Variants in STIM1 observed in about 807,000 individuals in gnomAD.
STIM1 encodes the protein stromal interaction molecule 1.
STIM1 carries 25 observed loss-of-function variants against 74.7 expected under a neutral mutation model. The ratio of observed to expected loss-of-function variants is 0.33; its 90% CI spans 0.24 to 0.47. The LOEUF (loss-of-function observed/expected upper bound fraction) is 0.47. Among genes scored for constraint, STIM1 ranks in the 20% least tolerant of loss-of-function variants. The pLI is 1.00. For missense variants in STIM1, 728 were observed against 920.8 expected, an observed-to-expected ratio of 0.79 and a Z score of 2.71; for synonymous variants, 328 against 348.8, an observed-to-expected ratio of 0.94 and a Z score of 0.66.
rs578129294 is a variant in STIM1 at position 4,020,242 on chromosome 11, T to C, written c.271-3631T>C. Among the ~76,000 whole-genome samples, 8 of 152,358 alleles carry C rather than the reference T, an allele frequency of 5.3e-5. No homozygotes were observed. In the East Asian group the frequency reaches 1.5e-3, roughly 29 times the overall value. On this transcript the variant is annotated intron_variant, in intron 2 of 12. Coordinates refer to ENST00000526596, the MANE Select transcript of STIM1 (RefSeq NM_001382567.1). ...GATTCTATATCTTGGCTATTGTGAA[T>C]AGTGCTGCAATAAACATGGAAGTGA...
chr11:3,929,742 C>T (rs1273285722), intron 1 of STIM1, among the ~76,000 whole-genome samples: 1 of 152,146 alleles, frequency 6.6e-6, no homozygotes. Context: ...TTGCTTTACT[C>T]CTGCATTTTT....
At chr11:4,044,398 G>GA (rs34242773) in intron 3 of STIM1, among the ~76,000 whole-genome samples, 124,097 of 152,118 alleles carry the variant, frequency 0.82, 52,403 homozygotes, top group East Asian at 0.95. Context: ...TCTTTGGAAT[G>GA]GAAAACAGAA....
chr11:3,969,287 CT>C (rs2093368797), intron 2 of STIM1, among the ~76,000 whole-genome samples: 2 of 151,848 alleles, frequency 1.3e-5, no homozygotes, highest in South Asian at 4.2e-4. Flanking sequence ...GAATTTGAGA[CT>C]AGCCTGGACA....
chr11:3,965,933 G>C (rs2093336422), intron 1 of STIM1, among the ~76,000 whole-genome samples: 2 of 152,198 alleles, frequency 1.3e-5, no homozygotes, highest in African/African-American at 4.8e-5. Context: ...CTTGAGCCCA[G>C]GGAACGAAGG....
chr11:3,909,097 T>A (rs549298910), intron 1 of STIM1, among the ~76,000 whole-genome samples: 1 of 152,158 alleles, frequency 6.6e-6, no homozygotes, highest in African/African-American at 2.4e-5. Flanking sequence ...CTTTCCTGAG[T>A]TGAGTGCCAG....
At chr11:4,045,493 A>C (rs979269878) in intron 3 of STIM1, among the ~76,000 whole-genome samples, 1 of 151,164 alleles carries the variant, frequency 6.6e-6, no homozygotes, top group South Asian at 2.1e-4. Flanking sequence ...TCTGTCACCC[A>C]GGCTGGAGTA....
intron 1 of STIM1, among the ~76,000 whole-genome samples, chr11:3,949,948 T>G (rs563650803): frequency 1.3e-5 from 2 of 152,334 alleles, no homozygotes; most frequent in East Asian, 3.9e-4. Context: ...CCGTCTCCTT[T>G]CAACCCCATT....
intron 1 of STIM1, among the ~76,000 whole-genome samples, chr11:3,912,088 T>C (rs2092570538): frequency 6.6e-6 from 1 of 151,716 alleles, no homozygotes; most frequent in Non-Finnish European, 1.5e-5. Flanking sequence ...TCCATAACTG[T>C]CCTTCCATTC....
At chr11:4,081,499 T>C (rs1443320244) in intron 7 of STIM1, among the ~76,000 whole-genome samples, 3 of 152,256 alleles carry the variant, frequency 2.0e-5, no homozygotes, top group Admixed American at 1.3e-4. Context: ...GAGAGAATCA[T>C]AGACGCAGTC....
intron 1 of STIM1, among the ~76,000 whole-genome samples, chr11:3,886,746 G>A (rs1055517178): frequency 9.5e-5 from 14 of 146,982 alleles, no homozygotes; most frequent in African/African-American, 3.0e-4. Flanking sequence ...GCTCATGCCT[G>A]TAATTCCAGC....
intron 2 of STIM1, among the ~76,000 whole-genome samples, chr11:3,993,555 C>G (rs2093634377): frequency 6.6e-6 from 1 of 152,162 alleles, no homozygotes. Flanking sequence ...ACTCGAGAGG[C>G]TCAGGCAGGA....
chr11:4,073,596 C>T (rs1011616240), intron 6 of STIM1, among the ~76,000 whole-genome samples: 2 of 152,084 alleles, frequency 1.3e-5, no homozygotes, highest in Non-Finnish European at 2.9e-5. Context: ...TGAAAGAACT[C>T]GGTGAATGAA....
chr11:3,970,037 A>G (rs2093376378), intron 2 of STIM1, among the ~76,000 whole-genome samples: 1 of 151,742 alleles, frequency 6.6e-6, no homozygotes, highest in African/African-American at 2.4e-5. Flanking sequence ...CCCAAGATCT[A>G]TAAATTCTTG....
In STIM1 at chr11:3,865,630, C is replaced by T. The variant is rs568323342; in HGVS notation, c.139+9221C>T. Among the ~76,000 whole-genome samples the T allele has an allele frequency of 6.6e-5, 10 of 152,266 alleles. 1 individual carries two copies. The highest frequency in any genetic ancestry group is 2.4e-4 in the African/African-American group (10 of 41,538). On this transcript the variant is annotated intron_variant, in intron 1 of 12. Coordinates refer to ENST00000526596, the MANE Select transcript of STIM1 (RefSeq NM_001382567.1). ...TACCACTCTCTTGACAATATCTGTT[C>T]AGAGCAATGAGGAATCTGTTTGCTG...
chr11:3,982,516 T>C (rs16929529), intron 2 of STIM1, among the ~76,000 whole-genome samples: 8,181 of 152,294 alleles, frequency 0.054, 366 homozygotes, highest in East Asian at 0.18. Flanking sequence ...TATGATGTAC[T>C]AGGCTTGTGC....
At position 3,998,669 on chromosome 11, in the gene STIM1, A is replaced by G. The variant is rs1035170232; in HGVS notation, c.271-25204A>G. On this transcript the variant is annotated intron_variant, in intron 2 of 12. Coordinates refer to ENST00000526596, the MANE Select transcript of STIM1 (RefSeq NM_001382567.1). Reference sequence around the variant, plus strand: ...CTCTATTTTTGAGTTGCTTAGGGAGAGTAAGAGGGGGATAATGTATACCCT... The same window carrying G: ...CTCTATTTTTGAGTTGCTTAGGGAGGGTAAGAGGGGGATAATGTATACCCT... Among the ~76,000 whole-genome samples, 15 of 152,172 alleles carry G rather than the reference A, an allele frequency of 9.9e-5. 1 individual carries two copies. The highest frequency in any genetic ancestry group is 9.2e-4 in the Admixed American group (14 of 15,274).
At chr11:4,048,532 C>T (rs1274206207) in intron 3 of STIM1, among the ~76,000 whole-genome samples, 1 of 152,044 alleles carries the variant, frequency 6.6e-6, no homozygotes, top group Non-Finnish European at 1.5e-5. Context: ...TGACTCATTC[C>T]TCCCACCATT....
chr11:4,035,236 A>G (rs1590663667), intron 3 of STIM1, among the ~76,000 whole-genome samples: 1 of 149,092 alleles, frequency 6.7e-6, no homozygotes, highest in Non-Finnish European at 1.5e-5. Context: ...CTACTGCTTT[A>G]GAGGCATGTC....
intron 1 of STIM1, among the ~76,000 whole-genome samples, chr11:3,858,251 T>G (rs901101275): frequency 2.2e-5 from 3 of 139,124 alleles, no homozygotes; most frequent in Admixed American, 7.0e-5. Flanking sequence ...TTTTTTGTTT[T>G]TTGTTTTTCG....
Sources: allele counts gnomAD v4.1 joint callset (sites outside exome capture counted in the v4.1 genomes callset), GRCh38; gene constraint gnomAD v4.1.1; transcripts MANE v1.5; gene names NCBI Gene and HGNC (gene_info 2026-07-23, HGNC 2026-07-21).